BCO2: variants seen among roughly 807,000 people sequenced by gnomAD.
BCO2 encodes the protein carotenoid-cleaving dioxygenase, mitochondrial.
A neutral mutation model predicts 65.8 loss-of-function variants in BCO2; 56 were observed. The observed-to-expected ratio is 0.85, with a 90% CI of 0.69 to 1.06. The LOEUF is 1.06. Among genes scored for constraint, BCO2 ranks in the 50% least tolerant of loss-of-function variants. The pLI, the probability that BCO2 is intolerant of heterozygous loss-of-function variation, is 0.00. For missense variants in BCO2, 675 were observed against 698.5 expected (o/e 0.97, Z 0.38); for synonymous variants, 233 against 242.3 (o/e 0.96, Z 0.36).
intron 2 of BCO2, among the ~76,000 whole-genome samples, chr11:112,189,014 T>C (rs1019242277): frequency 6.6e-6 from 1 of 152,022 alleles, no homozygotes; most frequent in African/African-American, 2.4e-5. Context: ...AGACAAACCA[T>C]TAGTTAACAT....
At chr11:112,187,023 A>G (rs958114300) in intron 2 of BCO2, among the ~76,000 whole-genome samples, 5 of 152,134 alleles carry the variant, frequency 3.3e-5, no homozygotes, top group Non-Finnish European at 7.4e-5. Flanking sequence ...AAGGCCACAT[A>G]CTAAGGCCAC....
intron 8 of BCO2, among the ~76,000 whole-genome samples, chr11:112,213,269 G>A (rs1859564729): frequency 6.8e-6 from 1 of 146,096 alleles, no homozygotes; most frequent in Non-Finnish European, 1.5e-5. Flanking sequence ...CCAGCCTCCC[G>A]AGTAGCTGGG....
intron 2 of BCO2, among the ~76,000 whole-genome samples, chr11:112,183,420 G>C (rs1401334770): frequency 5.3e-5 from 8 of 152,134 alleles, no homozygotes; most frequent in Middle Eastern, 3.2e-3. Context: ...AGGGAAACTA[G>C]ATATTGCTGC....
rs1791454212 is a variant in BCO2, at chr11:112,218,236, A to G, written c.*362A>G. 2 of 166,278 alleles carry G rather than the reference A, an allele frequency of 1.2e-5. No individual in the cohort carries two copies. The highest frequency in any genetic ancestry group is 3.4e-4 in the South Asian group (2 of 5,954). The allele number at this position is 166,278 out of a possible 1,614,324, so 10.3% of individuals were successfully genotyped here. Reference sequence around the variant, plus strand: ...TAGTTTAAAAATTTCTGTTAAAAACAGAATTCACTATTTCCTTGCCACTGC... The same window carrying G: ...TAGTTTAAAAATTTCTGTTAAAAACGGAATTCACTATTTCCTTGCCACTGC... On this transcript the variant is annotated 3_prime_UTR_variant, in exon 12 of 12. Transcript: ENST00000357685.
chr11:112,217,920 A>G lies in BCO2; in HGVS notation c.*46A>G. The G allele has an allele frequency of 7.4e-7, 1 of 1,352,812 alleles. No homozygotes were observed. Among genetic ancestry groups the G allele is most frequent in the Non-Finnish European group, 1.0e-6 (1 of 959,124 alleles). 83.8% of individuals were successfully genotyped at this position (1,352,812 alleles called of 1,614,324 possible). A position where few individuals can be genotyped will look rare whatever the true frequency, so the allele number is the denominator to read the frequency against. On this transcript the variant is annotated 3_prime_UTR_variant, in exon 12 of 12. Transcript: ENST00000357685. Reference sequence around the variant, plus strand: ...GAAACTAGGTTTAAAATAAGTGTGCACTTGGACATAAAGACTGGAGAAATA... The same window carrying G: ...GAAACTAGGTTTAAAATAAGTGTGCGCTTGGACATAAAGACTGGAGAAATA...
intron 1 of BCO2, among the ~76,000 whole-genome samples, chr11:112,178,712 C>A (rs1866949352): frequency 6.6e-6 from 1 of 152,110 alleles, no homozygotes; most frequent in Non-Finnish European, 1.5e-5. Context: ...ATTTTTGACA[C>A]CCTTCTACTG....
In BCO2 at chr11:112,194,667, A is replaced by T. The variant is rs772900262; in HGVS notation, c.648A>T (p.Lys216Asn). The T allele has an allele frequency of 2.5e-6, 4 of 1,612,456 alleles. No individual in the cohort carries two copies. The highest frequency in any genetic ancestry group is 3.4e-6 in the Non-Finnish European group (4 of 1,178,922). The part of the protein sequence containing the change: ...LEKTEKVDWS[K>N]FIAVNGATAH... ...CAAATTTGCAGGTAGATTGGAGCAA[A>T]TTTATTGCTGTGAATGGAGCAACTG... The change falls in exon 5 of 12, where the codon AAA becomes AAT. Residue 216 changes from lysine to asparagine, a missense_variant. By Grantham distance (94) the Lys-to-Asn change is moderately conservative. Transcript: ENST00000357685.
At chr11:112,201,905 GA>G (rs1390765467) in intron 7 of BCO2, 117 bp from the exon 8 acceptor site, 2 of 840,184 alleles carry the variant, frequency 2.4e-6, no homozygotes, top group Admixed American at 6.2e-5. Flanking sequence ...TGCCACTTCA[GA>G]GGGGAAAATC....
chr11:112,184,916 C>T (rs185439105), intron 2 of BCO2, among the ~76,000 whole-genome samples: 1 of 152,096 alleles, frequency 6.6e-6, no homozygotes, highest in African/African-American at 2.4e-5. Context: ...AATGACATAT[C>T]TTTAGTATTT....
At chr11:112,193,813 G>A in intron 3 of BCO2, 66 bp from the exon 4 acceptor site, 1 of 1,465,594 alleles carries the variant, frequency 6.8e-7, no homozygotes, top group South Asian at 1.1e-5. Flanking sequence ...TTCTCCCTTT[G>A]AGTGTGTGCT....
At chr11:112,217,374 C>A (rs1859710340) in intron 11 of BCO2, among the ~76,000 whole-genome samples, 2 of 152,068 alleles carry the variant, frequency 1.3e-5, no homozygotes, top group Middle Eastern at 3.4e-3. Flanking sequence ...CTTTTCTTTT[C>A]TTTTTAAAGA....
intron 5 of BCO2, among the ~76,000 whole-genome samples, chr11:112,196,812 T>TTCC (rs139461446): frequency 2.0e-5 from 3 of 150,826 alleles, no homozygotes; most frequent in South Asian, 2.1e-4. Flanking sequence ...ACCTCCTCCT[T>TTCC]TCCTCCTCCT....
At chr11:112,209,565 G>T (rs960951599) in intron 8 of BCO2, among the ~76,000 whole-genome samples, 3 of 152,146 alleles carry the variant, frequency 2.0e-5, no homozygotes, top group East Asian at 1.9e-4. Context: ...TTTTTAAAAA[G>T]ATACATTTTA....
At chr11:112,204,002 T>C (rs7947048) in intron 8 of BCO2, among the ~76,000 whole-genome samples, 151,117 of 152,226 alleles carry the variant, frequency 0.99, 75,019 homozygotes, top group Middle Eastern at 1. Context: ...TACAGGCACA[T>C]ACCAACATGT....
intron 5 of BCO2, among the ~76,000 whole-genome samples, chr11:112,196,821 C>T (rs1867589727): frequency 6.6e-6 from 1 of 151,398 alleles, no homozygotes; most frequent in Non-Finnish European, 1.5e-5. Flanking sequence ...TTTCCTCCTC[C>T]TCCTCCTCCT....
intron 5 of BCO2, among the ~76,000 whole-genome samples, chr11:112,197,981 T>G (rs905938834): frequency 3.3e-5 from 5 of 152,222 alleles, no homozygotes; most frequent in African/African-American, 4.8e-5. Context: ...TACTCAGACA[T>G]GACCCACTTA....
chr11:112,202,132 G>A lies in BCO2; in HGVS notation c.1136G>A (p.Arg379Lys). ...IIDLCCQDNG[R>K]TLEVYQLQNL... The stretch of plus-strand genomic sequence containing the variant: ...GATTTGTGCTGTCAAGATAATGGAA[G>A]AACCCTAGAAGTTTACCAGTTACAG... The change falls in exon 8 of 12, where the codon AGA becomes AAA. Residue 379 changes from arginine (R) to lysine (K), a missense_variant. Physicochemically the swap from Arg to Lys is conservative, Grantham distance 26. Transcript: ENST00000357685. 1 of 1,614,048 alleles carries A rather than the reference G, an allele frequency of 6.2e-7. No individual in the cohort carries two copies. The highest frequency in any genetic ancestry group is 8.5e-7 in the Non-Finnish European group (1 of 1,179,962).
intron 8 of BCO2, among the ~76,000 whole-genome samples, chr11:112,204,518 C>T (rs564199748): frequency 6.6e-6 from 1 of 152,204 alleles, no homozygotes; most frequent in East Asian, 1.9e-4. Flanking sequence ...TTTCTTCTAC[C>T]TCTCCACCCC....
chr11:112,215,737 C>CAAAAAAAAAAAAAAAAAAAAAAAAA (rs71060233), intron 10 of BCO2: 1 of 146,392 alleles, frequency 6.8e-6, no homozygotes, highest in African/African-American at 2.5e-5. Context: ...AACAAAAAAA[C>CAAAAAAAAAAAAAAAAAAAAAAAAA]AAAAAAAAAC....
Sources: allele counts gnomAD v4.1 joint callset (sites outside exome capture counted in the v4.1 genomes callset), GRCh38; gene constraint gnomAD v4.1.1; transcripts MANE v1.5; gene names NCBI Gene and HGNC (gene_info 2026-07-23, HGNC 2026-07-21).